Variants in ZNF280D observed in about 807,000 individuals in gnomAD.
ZNF280D encodes the protein zinc finger protein 280D, also known as suppressor of hairy wing homolog 4.
Under a neutral mutation model 94.7 loss-of-function variants are expected in ZNF280D, and 39 were observed. The ratio of observed to expected loss-of-function variants is 0.41; its 90% CI spans 0.32 to 0.54. ZNF280D has a LOEUF of 0.54. ZNF280D is among the 20% of genes least tolerant of loss of function. The probability of loss-of-function intolerance (pLI) is 0.22; values close to 1 mark genes in which losing one functional copy is unlikely to be tolerated. For missense variants in ZNF280D, 1,090 were observed against 1,149.3 expected (o/e 0.95, Z 0.75); for synonymous variants, 398 against 377.6 (o/e 1.05, Z -0.63).
chr15:56,650,568 T>A (rs1482768979), intron 19 of ZNF280D, among the ~76,000 whole-genome samples: 2 of 152,100 alleles, frequency 1.3e-5, no homozygotes, highest in Non-Finnish European at 2.9e-5. Context: ...TCTCTTGAAA[T>A]TGTGGCTTTT....
At chr15:56,716,091 A>G (rs2058030162) in intron 1 of ZNF280D, among the ~76,000 whole-genome samples, 1 of 152,164 alleles carries the variant, frequency 6.6e-6, no homozygotes, top group Non-Finnish European at 1.5e-5. Flanking sequence ...TCTGCTATCC[A>G]CTGGGGTCTT....
At chr15:56,684,741 G>GA (rs201389852) in intron 9 of ZNF280D, among the ~76,000 whole-genome samples, 4 of 150,170 alleles carry the variant, frequency 2.7e-5, no homozygotes, top group Non-Finnish European at 4.5e-5. Flanking sequence ...TTAAGGATTA[G>GA]AAAAAAAAAG....
At chr15:56,659,628 G>A (rs111680885) in intron 16 of ZNF280D, among the ~76,000 whole-genome samples, 12 of 151,984 alleles carry the variant, frequency 7.9e-5, no homozygotes, top group African/African-American at 2.7e-4. Context: ...AGTTTCAGGC[G>A]TTCACTGGGG....
In ZNF280D at chr15:56,668,841, T is replaced by C. The variant is rs2054479893; in HGVS notation, c.1527A>G (p.Gly509=). 6.2e-7 allele frequency: 1 copy of C among 1,603,306 alleles called. No individual in the cohort carries two copies. Among genetic ancestry groups the C allele is most frequent in the African/African-American group, 1.3e-5 (1 of 74,264 alleles). The change falls in exon 14 of 22, where the codon GGA becomes GGG. Residue 509 remains glycine, a synonymous_variant. Coordinates refer to ENST00000267807, the MANE Select transcript of ZNF280D (RefSeq NM_017661.4). ...RTFIKPKQLE[G]LPPGTKVTIR... ...AACTCACTTTTGTTCCAGGAGGCAATCCTTCTAGTTGTTTAGGTTTTATAA... is the reference window on the plus strand; with the variant it reads ...AACTCACTTTTGTTCCAGGAGGCAACCCTTCTAGTTGTTTAGGTTTTATAA...
chr15:56,723,833 C>G (rs1195269062), intron 1 of ZNF280D, among the ~76,000 whole-genome samples: 8 of 141,128 alleles, frequency 5.7e-5, no homozygotes, highest in Admixed American at 5.6e-4. Context: ...AATGATTAAA[C>G]CCATCATTAG....
intron 3 of ZNF280D, among the ~76,000 whole-genome samples, chr15:56,706,338 CG>C (rs1487191059): frequency 6.6e-6 from 1 of 150,888 alleles, no homozygotes; most frequent in Non-Finnish European, 1.5e-5. Context: ...ATTAGCCAGG[CG>C]TGGTGGCGAG....
intron 17 of ZNF280D, among the ~76,000 whole-genome samples, chr15:56,656,383 T>C (rs182176285): frequency 2.0e-5 from 3 of 152,244 alleles, no homozygotes; most frequent in African/African-American, 7.2e-5. Flanking sequence ...TGAAAAAACA[T>C]CCCAGATCTT....
intron 12 of ZNF280D, 96 bp downstream of exon 12, chr15:56,677,478 A>G (rs1450972994): frequency 1.0e-5 from 8 of 800,286 alleles, no homozygotes; most frequent in South Asian, 8.5e-5. Flanking sequence ...CAAGTTATGC[A>G]TAAGTTTGCT....
chr15:56,680,187 C>T (rs1211029054), intron 10 of ZNF280D, among the ~76,000 whole-genome samples: 1 of 152,142 alleles, frequency 6.6e-6, no homozygotes, highest in African/African-American at 2.4e-5. Flanking sequence ...AATATATTGA[C>T]ATGGCAGAGA....
chr15:56,656,198 CT>C (rs1459875324), intron 17 of ZNF280D, among the ~76,000 whole-genome samples: 1 of 152,184 alleles, frequency 6.6e-6, no homozygotes, highest in Admixed American at 6.5e-5. Flanking sequence ...TCACTGTCAT[CT>C]TTACAGGACC....
chr15:56,663,937 A>G (rs561274089), intron 16 of ZNF280D, among the ~76,000 whole-genome samples: 1 of 152,224 alleles, frequency 6.6e-6, no homozygotes, highest in East Asian at 1.9e-4. Context: ...GAAATGATAA[A>G]ATTGGAAGTG....
At chr15:56,723,855 G>C (rs573249700) in intron 1 of ZNF280D, among the ~76,000 whole-genome samples, 1 of 151,908 alleles carries the variant, frequency 6.6e-6, no homozygotes, top group African/African-American at 2.4e-5. Context: ...TGAAAATATC[G>C]TAAGTTGAAA....
rs768921651 is a variant in ZNF280D, at chr15:56,682,355, G to C, written c.903C>G (p.Asp301Glu). The C allele has an allele frequency of 3.1e-6, 5 of 1,599,862 alleles. No individual in the cohort carries two copies. Among genetic ancestry groups the C allele is most frequent in the Non-Finnish European group, 4.3e-6 (5 of 1,176,260 alleles). ...EKGKLIMLVNDFYYGKHEGDV... is the reference protein window; with the variant it reads ...EKGKLIMLVNEFYYGKHEGDV... ...CTCCTTCATGTTTTCCATAATAAAA[G>C]TCATTAACTAACATGATCAATTTTC... Residue 301 changes from aspartate (D) to glutamate (E), a missense_variant, in exon 10 of 22, where the codon GAC becomes GAG. Transcript: ENST00000267807.
In ZNF280D at chr15:56,676,683, T is replaced by A; in HGVS notation, c.1397A>T (p.Tyr466Phe). 2 of 1,606,494 alleles carry A rather than the reference T, an allele frequency of 1.2e-6. No homozygotes were observed. Among genetic ancestry groups the A allele is most frequent in the African/African-American group, 1.3e-5 (1 of 74,762 alleles). ...GGTAAATCTCACCTGATGCTTCATA[T>A]AATGATGCATATATGGTGTTGCAAT... ...IKIATPYMHH[Y>F]MKHQKKGIHR... The change falls in exon 13 of 22, where the codon TAT (tyrosine) becomes TTT (phenylalanine). Residue 466 changes from tyrosine to phenylalanine, a missense_variant. This residue lies in a region of ZNF280D where 127 missense variants were observed against 208.6 expected (regional missense o/e 0.61). Transcript: ENST00000267807.
At chr15:56,724,184 A>G (rs6493882) in intron 1 of ZNF280D, among the ~76,000 whole-genome samples, 112,453 of 152,064 alleles carry the variant, frequency 0.74, 42,788 homozygotes, top group Non-Finnish European at 0.82. Context: ...AACTTAAGTT[A>G]AACCATCTTA....
chr15:56,688,410 G>C (rs2056188601), intron 9 of ZNF280D, among the ~76,000 whole-genome samples: 1 of 146,746 alleles, frequency 6.8e-6, no homozygotes, highest in Non-Finnish European at 1.5e-5. Flanking sequence ...AGAATGGCGT[G>C]AACCTGGGAG....
At chr15:56,642,835 A>T in intron 20 of ZNF280D, 117 bp downstream of exon 20, 1 of 577,892 alleles carries the variant, frequency 1.7e-6, no homozygotes, top group Non-Finnish European at 2.8e-6. Context: ...TTTCTTCCTC[A>T]CAACATCCCA....
intron 3 of ZNF280D, among the ~76,000 whole-genome samples, chr15:56,705,853 C>T (rs2057371271): frequency 6.6e-6 from 1 of 151,728 alleles, no homozygotes; most frequent in Non-Finnish European, 1.5e-5. Flanking sequence ...AGGCACATGG[C>T]ATATAATAAT....
Position 56,728,991 on chromosome 15 carries a change from T to C in ZNF280D, c.-86+4467A>G, listed in dbSNP as rs78100952. On this transcript the variant is annotated intron_variant, in intron 1 of 21. Transcript: ENST00000267807. ...ATTTTCAACTCATGATACTTTCAAC[T>C]AATGACGGGTTTATCAAGGATGTAA... 8.4e-3 allele frequency among the ~76,000 whole-genome samples: 1,278 copies of C among 152,330 alleles called. 22 individuals are homozygous for C. Among genetic ancestry groups the C allele is most frequent in the African/African-American group, 0.029 (1,213 of 41,586 alleles).
Sources: allele counts gnomAD v4.1 joint callset (sites outside exome capture counted in the v4.1 genomes callset), GRCh38; gene constraint gnomAD v4.1.1; regional missense constraint gnomAD v4.1.1; transcripts MANE v1.5; gene names NCBI Gene and HGNC (gene_info 2026-07-23, HGNC 2026-07-21).